The following PDC variants were observed in gnomAD, a reference collection of about 807,000 sequenced individuals.
PDC encodes the protein 33 kDa phototransducing protein.
PDC carries 19 observed loss-of-function variants against 22.2 expected under a neutral mutation model. The observed-to-expected ratio is 0.86, with a 90% CI of 0.60 to 1.26. PDC has a LOEUF of 1.26. Among genes scored for constraint, PDC ranks in the 50% most tolerant of loss-of-function variants. The pLI is 0.00. For missense variants in PDC, 274 were observed against 286.8 expected, an observed-to-expected ratio of 0.96 and a Z score of 0.32; for synonymous variants, 97 against 96.2, an observed-to-expected ratio of 1.01 and a Z score of -0.05.
chr1:186,446,351 A>G (rs1662227147), intron 3 of PDC, 75 bp downstream of exon 3: 1 of 1,169,088 alleles, frequency 8.6e-7, no homozygotes, highest in Non-Finnish European at 1.2e-6. Flanking sequence ...TAATAGTCTA[A>G]AGTGATTCTC....
intron 1 of PDC, among the ~76,000 whole-genome samples, chr1:186,450,343 T>G (rs1025385455): frequency 3.3e-5 from 5 of 151,762 alleles, no homozygotes; most frequent in Middle Eastern, 3.2e-3. Flanking sequence ...TTTTTTTAAG[T>G]TTTTTGAGAG....
intron 2 of PDC, among the ~76,000 whole-genome samples, chr1:186,448,425 C>T (rs1662280778): frequency 6.6e-6 from 1 of 152,068 alleles, no homozygotes; most frequent in Non-Finnish European, 1.5e-5. Flanking sequence ...TTTGTAGAAG[C>T]TCTTAATATA....
chr1:186,448,846 A>T (rs187841483), intron 2 of PDC: 1 of 166,026 alleles, frequency 6.0e-6, no homozygotes, highest in East Asian at 1.9e-4. Context: ...TGAATTTTTA[A>T]ATTTAAGTTT....
At chr1:186,450,420 C>T (rs1201407051) in intron 1 of PDC, among the ~76,000 whole-genome samples, 1 of 152,030 alleles carries the variant, frequency 6.6e-6, no homozygotes, top group Non-Finnish European at 1.5e-5. Flanking sequence ...CTCACTGCAG[C>T]CTCAAACTTC....
intron 2 of PDC, chr1:186,448,715 C>G: frequency 1.1e-6 from 1 of 944,928 alleles, no homozygotes. Context: ...AAATAAATCT[C>G]CACACATTTT....
At chr1:186,446,054 A>G (rs1571719976) in intron 3 of PDC, among the ~76,000 whole-genome samples, 1 of 152,290 alleles carries the variant, frequency 6.6e-6, no homozygotes, top group East Asian at 1.9e-4. Context: ...AATAGTGATT[A>G]TGTGTTACAT....
At chr1:186,452,198 C>G (rs1364298428) in intron 1 of PDC, among the ~76,000 whole-genome samples, 1 of 152,156 alleles carries the variant, frequency 6.6e-6, no homozygotes, top group Non-Finnish European at 1.5e-5. Flanking sequence ...TCCCAAAAAT[C>G]TTATCTTTTT....
chr1:186,459,752 G>GTGTATATATATATATATA (rs1299957095), intron 1 of PDC, among the ~76,000 whole-genome samples: 45 of 112,098 alleles, frequency 4.0e-4, no homozygotes, highest in Non-Finnish European at 6.6e-4. Context: ...GTGTGTGTGT[G>GTGTATATATATATATATA]TATATATATA....
chr1:186,455,603 A>C (rs956042052), intron 1 of PDC, among the ~76,000 whole-genome samples: 1 of 151,550 alleles, frequency 6.6e-6, no homozygotes, highest in Non-Finnish European at 1.5e-5. Flanking sequence ...TTTTTTGACT[A>C]TTCACTAGTT....
At chr1:186,460,637 G>T (rs765922018) in intron 1 of PDC, among the ~76,000 whole-genome samples, 1 of 152,156 alleles carries the variant, frequency 6.6e-6, no homozygotes, top group African/African-American at 2.4e-5. Flanking sequence ...GGGGGTCCTG[G>T]AACATATCCC....
At chr1:186,444,931 G>A (rs912126233) in intron 3 of PDC, among the ~76,000 whole-genome samples, 6 of 152,096 alleles carry the variant, frequency 3.9e-5, no homozygotes, top group South Asian at 2.1e-4. Flanking sequence ...AAATATTTGG[G>A]CACCACCCTA....
rs76433862 is a variant in PDC, at chr1:186,453,992, T to C, written c.-24-4509A>G. Among the ~76,000 whole-genome samples the C allele has an allele frequency of 8.5e-3, 1,289 of 152,230 alleles. 16 individuals are homozygous for C. Among genetic ancestry groups the C allele is most frequent in the African/African-American group, 0.029 (1,215 of 41,544 alleles). Reference sequence around the variant, plus strand: ...AATGTGTTAACCAAAGAAGCCGACCTAATTTTTTTGTATATGCATTAAAAC... The same window carrying C: ...AATGTGTTAACCAAAGAAGCCGACCCAATTTTTTTGTATATGCATTAAAAC... On this transcript the variant is annotated intron_variant, in intron 1 of 3. Coordinates refer to ENST00000391997, the MANE Select transcript of PDC (RefSeq NM_002597.5).
rs1662171277 is a variant in PDC at position 186,444,248 on chromosome 1, G to C, written c.472C>G (p.Leu158Val). ...CDALNSSLTC[L>V]AAEYPIVKFC... is the part of the protein sequence containing the mutation. ...TTAACTATAGGGTATTCTGCTGCAA[G>C]GCATGTTAAACTACTGTTTAGAGCA... The change falls in exon 4 of 4, where the codon CTT becomes GTT. Residue 158 changes from leucine to valine, a missense_variant. Transcript: ENST00000391997. 1.2e-6 allele frequency: 2 copies of C among 1,613,928 alleles called. No individual in the cohort carries two copies. The highest frequency in any genetic ancestry group is 3.3e-5 in the Admixed American group (2 of 60,000).
At chr1:186,460,981 A>G (rs903497214) in intron 1 of PDC, 78 bp downstream of exon 1, 4 of 154,782 alleles carry the variant, frequency 2.6e-5, no homozygotes, top group African/African-American at 9.6e-5. Flanking sequence ...AATAATACAT[A>G]AACAGTGAAT....
chr1:186,448,200 C>T (rs781540364), intron 2 of PDC, among the ~76,000 whole-genome samples: 2 of 152,140 alleles, frequency 1.3e-5, no homozygotes, highest in Non-Finnish European at 2.9e-5. Flanking sequence ...ATATACATTA[C>T]TAATTTTGAT....
intron 1 of PDC, among the ~76,000 whole-genome samples, chr1:186,458,761 G>A (rs547895460): frequency 6.6e-6 from 1 of 152,280 alleles, no homozygotes; most frequent in South Asian, 2.1e-4. Context: ...TCCTGTTTGG[G>A]CCAGTCTCCT....
At chr1:186,451,454 A>G (rs1054215301) in intron 1 of PDC, among the ~76,000 whole-genome samples, 16 of 152,206 alleles carry the variant, frequency 1.1e-4, no homozygotes, top group Non-Finnish European at 2.1e-4. Flanking sequence ...AAAGAAAACT[A>G]CAAAACAAAG....
rs1484423437 is a variant in PDC at position 186,443,955 on chromosome 1, A to G, written c.*24T>C. On this transcript the variant is annotated 3_prime_UTR_variant, in exon 4 of 4. Coordinates refer to ENST00000391997, the MANE Select transcript of PDC (RefSeq NM_002597.5). ...ATCATCCAATACCTAAAGGATAAACATGAGATATTGACATAGTGAATCTTC... is the reference window on the plus strand; with the variant it reads ...ATCATCCAATACCTAAAGGATAAACGTGAGATATTGACATAGTGAATCTTC... The G allele has an allele frequency of 6.5e-7, 1 of 1,545,040 alleles. No homozygotes were observed. The highest frequency in any genetic ancestry group is 1.1e-5 in the South Asian group (1 of 87,072).
intron 1 of PDC, among the ~76,000 whole-genome samples, chr1:186,452,566 G>A (rs547821478): frequency 1.3e-5 from 2 of 152,284 alleles, no homozygotes; most frequent in African/African-American, 4.8e-5. Flanking sequence ...TGAAATATTT[G>A]CAAGGTGCTT....
Sources: allele counts gnomAD v4.1 joint callset (sites outside exome capture counted in the v4.1 genomes callset), GRCh38; gene constraint gnomAD v4.1.1; transcripts MANE v1.5; gene names NCBI Gene and HGNC (gene_info 2026-07-23, HGNC 2026-07-21).